The following SLC23A2 variants were observed in gnomAD, a reference collection of about 807,000 sequenced individuals.
SLC23A2 encodes the protein Na(+)/L-ascorbic acid transporter 2.
SLC23A2 carries 36 observed loss-of-function variants against 73.3 expected under a neutral mutation model. The ratio of observed to expected loss-of-function variants is 0.49; its 90% CI spans 0.38 to 0.65. SLC23A2 has a LOEUF of 0.65. Among genes scored for constraint, SLC23A2 ranks in the 30% least tolerant of loss-of-function variants. The pLI is 0.00. For synonymous variants in SLC23A2, 343 were observed against 327.3 expected, an observed-to-expected ratio of 1.05 and a Z score of -0.52; for missense variants, 507 against 841.6, an observed-to-expected ratio of 0.60 and a Z score of 4.92.
intron 6 of SLC23A2, among the ~76,000 whole-genome samples, chr20:4,896,900 G>A (rs1201723037): frequency 6.6e-6 from 1 of 152,180 alleles, no homozygotes; most frequent in Non-Finnish European, 1.5e-5. Context: ...GCCAGGCTGT[G>A]ACTTCCTGCC....
At chr20:4,904,460 A>G (rs1393006802) in intron 4 of SLC23A2, among the ~76,000 whole-genome samples, 6 of 77,020 alleles carry the variant, frequency 7.8e-5, no homozygotes, top group Non-Finnish European at 1.6e-4. Context: ...GAAGAAAAAA[A>G]CAAACAAAAA....
intron 1 of SLC23A2, among the ~76,000 whole-genome samples, chr20:4,988,713 C>T (rs1471938364): frequency 1.5e-5 from 2 of 136,548 alleles, no homozygotes; most frequent in Non-Finnish European, 3.1e-5. Flanking sequence ...TCCAGCCTAG[C>T]GATAGAGAGA....
chr20:5,006,702 C>CA (rs1171985800), intron 1 of SLC23A2, among the ~76,000 whole-genome samples: 2 of 151,666 alleles, frequency 1.3e-5, no homozygotes, highest in South Asian at 2.1e-4. Context: ...CACCACCCCC[C>CA]ACTAATTTTT....
At chr20:4,996,685 C>CAAAAAAAAA (rs1555809857) in intron 1 of SLC23A2, among the ~76,000 whole-genome samples, 18 of 54,750 alleles carry the variant, frequency 3.3e-4, no homozygotes, top group African/African-American at 5.1e-4. Context: ...GATTCCATCT[C>CAAAAAAAAA]AAAAAAAAAA....
intron 3 of SLC23A2, among the ~76,000 whole-genome samples, chr20:4,915,207 T>C (rs953075191): frequency 6.6e-6 from 1 of 152,124 alleles, no homozygotes; most frequent in African/African-American, 2.4e-5. Flanking sequence ...TCACAACCAG[T>C]AGGAAGGGTG....
intron 6 of SLC23A2, among the ~76,000 whole-genome samples, chr20:4,892,462 C>T (rs1931367385): frequency 6.6e-6 from 1 of 152,226 alleles, no homozygotes; most frequent in Admixed American, 6.5e-5. Context: ...GCTGGGATTA[C>T]AGGCATGAGC....
Position 4,862,139 on chromosome 20 carries a change from C to G in SLC23A2, c.1487-54G>C. On this transcript the variant is annotated intron_variant, in intron 14 of 16. Coordinates refer to ENST00000338244, the MANE Select transcript of SLC23A2 (RefSeq NM_005116.6). This position sits in a 1 kb window ranked among gnomAD's most constrained non-coding sequence, Gnocchi z 5.1. ...TCCAGCACCACTACAGCGGGGACAG[C>G]TCAAGGCAGGTGAGGGCAGGCTCCC... The G allele has an allele frequency of 6.3e-7, 1 of 1,595,218 alleles. No individual in the cohort carries two copies. Among genetic ancestry groups the G allele is most frequent in the Non-Finnish European group, 8.6e-7 (1 of 1,168,022 alleles).
At chr20:4,919,686 G>A (rs925602844) in intron 3 of SLC23A2, among the ~76,000 whole-genome samples, 2 of 152,162 alleles carry the variant, frequency 1.3e-5, no homozygotes, top group Non-Finnish European at 2.9e-5. Flanking sequence ...TCTAAGAGAT[G>A]TCCCTGGGGA....
upstream of SLC23A2, among the ~76,000 whole-genome samples, chr20:5,004,090 T>G (rs1353031662): frequency 1.3e-5 from 2 of 152,074 alleles, no homozygotes; most frequent in Non-Finnish European, 2.9e-5. Flanking sequence ...CATCTCCTCG[T>G]GGTTCCCAAA....
intron 2 of SLC23A2, among the ~76,000 whole-genome samples, chr20:4,942,697 G>A (rs1022843488): frequency 1.3e-5 from 2 of 152,176 alleles, no homozygotes; most frequent in Non-Finnish European, 2.9e-5. Flanking sequence ...GCTTAGCAGG[G>A]CCACCTGAAG....
intron 4 of SLC23A2, among the ~76,000 whole-genome samples, chr20:4,903,919 C>A (rs191004478): frequency 6.6e-6 from 1 of 152,304 alleles, no homozygotes; most frequent in East Asian, 1.9e-4. Context: ...GTTGTCCAAA[C>A]CCCGCACATT....
At chr20:4,954,101 A>C (rs1186191659) in intron 2 of SLC23A2, among the ~76,000 whole-genome samples, 2 of 152,204 alleles carry the variant, frequency 1.3e-5, no homozygotes, top group African/African-American at 4.8e-5. Context: ...CATTCTGAAC[A>C]TTCTTTCACT....
In SLC23A2 at chr20:4,863,158, C is replaced by T. The variant is rs150267884; in HGVS notation, c.1357-251G>A. Among the ~76,000 whole-genome samples, 25 of 152,226 alleles carry T rather than the reference C, an allele frequency of 1.6e-4. No homozygotes were observed. The East Asian group carries it at 3.9e-3, about 24-fold the overall frequency. On this transcript the variant is annotated intron_variant, in intron 13 of 16. Transcript: ENST00000338244. The surrounding 1 kb of genome is among the most constrained non-coding windows in gnomAD (Gnocchi z 4.8). ...TGGCACAGTCATGGGTTGGGATGGC[C>T]GTCTGTGTCTCAAATGCAAAGGCCA...
chr20:4,936,432 T>C (rs970363589), intron 2 of SLC23A2, among the ~76,000 whole-genome samples: 3 of 152,142 alleles, frequency 2.0e-5, no homozygotes, highest in Admixed American at 2.0e-4. Flanking sequence ...CCCTTATCTA[T>C]ATCAACTTTA....
chr20:4,864,219 A>G (rs1393644774), intron 13 of SLC23A2, among the ~76,000 whole-genome samples: 1 of 152,198 alleles, frequency 6.6e-6, no homozygotes, highest in Non-Finnish European at 1.5e-5. Flanking sequence ...CTTCAATTTT[A>G]ATTAAGTAAA....
intron 1 of SLC23A2, among the ~76,000 whole-genome samples, chr20:4,986,714 G>T (rs2087836733): frequency 1.7e-5 from 2 of 116,894 alleles, no homozygotes; most frequent in African/African-American, 2.8e-5. Context: ...ATAGAGAGAA[G>T]TGGGTCAGTC....
intron 6 of SLC23A2, among the ~76,000 whole-genome samples, chr20:4,897,501 C>G (rs1199437614): frequency 6.6e-6 from 1 of 152,188 alleles, no homozygotes; most frequent in African/African-American, 2.4e-5. Flanking sequence ...CAGACACGCA[C>G]CCTCCTCCAG....
At chr20:4,866,364 A>G (rs12329577) in intron 13 of SLC23A2, among the ~76,000 whole-genome samples, 59,651 of 152,092 alleles carry the variant, frequency 0.39, 14,322 homozygotes, top group African/African-American at 0.68. Flanking sequence ...ATCTTATTTG[A>G]GATTTGGGAT....
Position 4,912,877 on chromosome 20 carries a change from T to C in SLC23A2, c.207+3A>G, listed in dbSNP as rs1600127011. The C allele has an allele frequency of 6.3e-7, 1 of 1,591,174 alleles. No individual in the cohort carries two copies. Among genetic ancestry groups the C allele is most frequent in the Non-Finnish European group, 8.6e-7 (1 of 1,159,614 alleles). On this transcript the variant is annotated splice_donor_region_variant and intron_variant, in intron 4 of 16. Coordinates refer to ENST00000338244, the MANE Select transcript of SLC23A2 (RefSeq NM_005116.6). ...TGGGGACACGGGGTGACGGAAGGGGTACCTTTTCTGCAATGCCGTTTTCCG... is the reference window on the plus strand; with the variant it reads ...TGGGGACACGGGGTGACGGAAGGGGCACCTTTTCTGCAATGCCGTTTTCCG...
Sources: allele counts gnomAD v4.1 joint callset (sites outside exome capture counted in the v4.1 genomes callset), GRCh38; gene constraint gnomAD v4.1.1; non-coding constraint Gnocchi (gnomAD v3.1); transcripts MANE v1.5; gene names NCBI Gene and HGNC (gene_info 2026-07-23, HGNC 2026-07-21).